C12orf42: variants seen among roughly 807,000 people sequenced by gnomAD.
C12orf42 encodes uncharacterized protein C12orf42.
In C12orf42, 25 loss-of-function variants were observed where a neutral mutation model predicts 21.6. The observed-to-expected ratio is 1.16, with a 90% CI of 0.84 to 1.62. The LOEUF (loss-of-function observed/expected upper bound fraction) is 1.62, where lower values mean the gene tolerates loss of function less well. C12orf42 is among the 40% of genes most tolerant of loss of function. The pLI is 0.00. For missense variants in C12orf42, 483 were observed against 459.3 expected (o/e 1.05, Z -0.47); for synonymous variants, 174 against 175.0 (o/e 0.99, Z 0.05).
chr12:103,281,914 A>AAAAAG (rs1491130491), intron 4 of C12orf42, among the ~76,000 whole-genome samples: 10 of 110,586 alleles, frequency 9.0e-5, no homozygotes, highest in Non-Finnish European at 1.8e-4. Context: ...AAGAAGAAAG[A>AAAAAG]AAAAGAAAGA....
At chr12:103,481,806 G>T (rs1455551202) in intron 1 of C12orf42, among the ~76,000 whole-genome samples, 53 of 139,248 alleles carry the variant, frequency 3.8e-4, no homozygotes, top group Admixed American at 8.5e-4. Flanking sequence ...TTTTGTTTGG[G>T]TTTTTTTTTT....
At chr12:103,507,197 ATT>A in the C12orf42 span, among the ~76,000 whole-genome samples, 4 of 36,460 alleles carry the variant, frequency 1.1e-4, no homozygotes, top group African/African-American at 3.6e-4. Flanking sequence ...ATATATATAT[ATT>A]TATATTATAT....
the C12orf42 span, among the ~76,000 whole-genome samples, chr12:103,556,494 G>A: frequency 9.2e-5 from 14 of 152,158 alleles, no homozygotes; most frequent in African/African-American, 2.7e-4. Context: ...CTGCTTCCTC[G>A]GTATGTAAAG....
the C12orf42 span, among the ~76,000 whole-genome samples, chr12:103,555,489 A>T: frequency 5.2e-4 from 79 of 152,222 alleles, 2 homozygotes; most frequent in South Asian, 0.016. Flanking sequence ...ACACAGCCAA[A>T]CCATATCAGT....
chr12:103,058,040 C>T, the C12orf42 span, among the ~76,000 whole-genome samples: 6 of 151,708 alleles, frequency 4.0e-5, no homozygotes, highest in Non-Finnish European at 7.4e-5. Flanking sequence ...CCTCTAACCT[C>T]TGCCTCCCTT....
the C12orf42 span, among the ~76,000 whole-genome samples, chr12:103,222,339 G>A: frequency 2.6e-5 from 4 of 151,460 alleles, no homozygotes; most frequent in Admixed American, 6.6e-5. Context: ...CTCAGTGGGG[G>A]TGCTTTTTGA....
At chr12:103,173,247 G>T in the C12orf42 span, among the ~76,000 whole-genome samples, 1 of 152,086 alleles carries the variant, frequency 6.6e-6, no homozygotes, top group Non-Finnish European at 1.5e-5. Flanking sequence ...CCAGTTTAAT[G>T]TTTTTTATTG....
intron 2 of C12orf42, among the ~76,000 whole-genome samples, chr12:103,415,424 T>C (rs1298462763): frequency 1.3e-5 from 2 of 152,188 alleles, no homozygotes; most frequent in Admixed American, 6.5e-5. Context: ...TGACTAACGA[T>C]TGGACTTAAT....
the C12orf42 span, among the ~76,000 whole-genome samples, chr12:103,557,116 TAC>T: frequency 3.3e-5 from 5 of 152,112 alleles, no homozygotes; most frequent in Non-Finnish European, 5.9e-5. Flanking sequence ...AGGAAACTAG[TAC>T]AGTGTCCAAG....
At chr12:103,205,270 C>T in the C12orf42 span, among the ~76,000 whole-genome samples, 8 of 152,086 alleles carry the variant, frequency 5.3e-5, no homozygotes, top group Non-Finnish European at 1.0e-4. Flanking sequence ...AAAGACATAC[C>T]CAAACCTGGG....
the C12orf42 span, among the ~76,000 whole-genome samples, chr12:103,527,362 T>G: frequency 6.6e-6 from 1 of 152,110 alleles, no homozygotes; most frequent in Non-Finnish European, 1.5e-5. Flanking sequence ...AAATCTCATG[T>G]TGAAATTTGA....
At chr12:103,407,079 G>A (rs1401940911) in intron 2 of C12orf42, among the ~76,000 whole-genome samples, 1 of 152,092 alleles carries the variant, frequency 6.6e-6, no homozygotes, top group African/African-American at 2.4e-5. Context: ...CTCAATGACA[G>A]CCAAGGCAAT....
the C12orf42 span, among the ~76,000 whole-genome samples, chr12:103,524,219 C>A: frequency 6.6e-6 from 1 of 152,176 alleles, no homozygotes; most frequent in South Asian, 2.1e-4. Context: ...AGTTCACCTA[C>A]AAAGAAAGAT....
At chr12:103,277,509 T>A (rs970796880) in intron 4 of C12orf42, among the ~76,000 whole-genome samples, 1 of 152,168 alleles carries the variant, frequency 6.6e-6, no homozygotes, top group Non-Finnish European at 1.5e-5. Flanking sequence ...TCTTACAGAC[T>A]CCTCAGAAGG....
At position 103,302,137 on chromosome 12, in the gene C12orf42, T is replaced by A; in HGVS notation, c.1054A>T (p.Arg352Trp). 6.2e-7 allele frequency: 1 copy of A among 1,612,500 alleles called. No homozygotes were observed. The highest frequency in any genetic ancestry group is 1.3e-5 in the African/African-American group (1 of 74,894). ...TGTAAGTGAGCATTCACCACCGGCC[T>A]AGAAAGGGCCTGTGAACAAACCGTA... ...FHTVCSQALS[R>W]PVVNAHLH The change falls in exon 6 of 6, where the codon AGG becomes TGG. Residue 352 changes from arginine (R) to tryptophan (W), a missense_variant. Physicochemically the swap from Arg to Trp is moderately radical, Grantham distance 101. Coordinates refer to ENST00000548883, the MANE Select transcript of C12orf42 (RefSeq NM_198521.5).
Position 103,458,491 on chromosome 12 carries a change from T to C in C12orf42, c.78+19858A>G, listed in dbSNP as rs145933812. ...GTGATGCTGGGCACCTTACTTACTG[T>C]CTCTGCATCGCATCCCCACTTTGAG... On this transcript the variant is annotated intron_variant, in intron 2 of 5. Coordinates refer to ENST00000548883, the MANE Select transcript of C12orf42 (RefSeq NM_198521.5). Among the ~76,000 whole-genome samples, 837 of 152,256 alleles carry C rather than the reference T, an allele frequency of 5.5e-3. 10 individuals are homozygous for C. Among genetic ancestry groups the C allele is most frequent in the African/African-American group, 0.019 (790 of 41,542 alleles).
At chr12:103,085,100 T>C in the C12orf42 span, among the ~76,000 whole-genome samples, 2 of 152,228 alleles carry the variant, frequency 1.3e-5, no homozygotes, top group Admixed American at 1.3e-4. Flanking sequence ...ATAAATAATC[T>C]AGTGCTTAAT....
At chr12:103,282,509 G>A (rs1426440521) in intron 4 of C12orf42, among the ~76,000 whole-genome samples, 4 of 152,124 alleles carry the variant, frequency 2.6e-5, no homozygotes, top group African/African-American at 9.7e-5. Context: ...TGTAAGCCAG[G>A]AGCAATAGGA....
chr12:103,459,624 A>G (rs1467725089), intron 2 of C12orf42, among the ~76,000 whole-genome samples: 1 of 152,134 alleles, frequency 6.6e-6, no homozygotes, highest in Non-Finnish European at 1.5e-5. Flanking sequence ...TTTCTTAATA[A>G]ATTGCCCAGC....
Sources: gnomAD v4.1 joint callset for allele counts (sites outside exome capture counted in the v4.1 genomes callset) on GRCh38, gnomAD v4.1.1 for gene constraint, MANE v1.5 for transcripts, NCBI Gene and HGNC (gene_info 2026-07-23, HGNC 2026-07-21) for gene names.